CNTN4: variants seen among roughly 807,000 people sequenced by gnomAD.
The protein encoded by CNTN4 is contactin 4, also known as contactin-4.
A neutral mutation model predicts 122.5 loss-of-function variants in CNTN4; 77 were observed. That is an observed-to-expected ratio of 0.63 (90% CI 0.52 to 0.76). CNTN4 has a LOEUF of 0.76. Ranked by LOEUF, CNTN4 falls within the 30% of genes least tolerant of loss-of-function variation. The pLI is 0.00. For synonymous variants in CNTN4, 512 were observed against 447.0 expected, an observed-to-expected ratio of 1.15 and a Z score of -1.83; for missense variants, 1,256 against 1,259.1, an observed-to-expected ratio of 1.00 and a Z score of 0.04.
At chr3:2,116,133 T>C (rs903487828) in intron 2 of CNTN4, among the ~76,000 whole-genome samples, 1 of 152,130 alleles carries the variant, frequency 6.6e-6, no homozygotes, top group Non-Finnish European at 1.5e-5. Context: ...ACCACTAAAG[T>C]CTTATTCAGC....
chr3:2,657,468 A>C (rs750502445), intron 4 of CNTN4, among the ~76,000 whole-genome samples: 2 of 152,192 alleles, frequency 1.3e-5, no homozygotes, highest in South Asian at 4.1e-4. Context: ...GTCAGGGTAC[A>C]TTGAATTTAA....
chr3:2,209,320 T>G (rs1485198772), intron 2 of CNTN4, among the ~76,000 whole-genome samples: 1 of 152,172 alleles, frequency 6.6e-6, no homozygotes, highest in African/African-American at 2.4e-5. Flanking sequence ...ACATTCCCTT[T>G]GGGAAAACCC....
chr3:2,550,011 T>C (rs1018607516), intron 3 of CNTN4, among the ~76,000 whole-genome samples: 2 of 152,304 alleles, frequency 1.3e-5, no homozygotes, highest in Non-Finnish European at 1.5e-5. Flanking sequence ...TATTCTCTAA[T>C]GGTAGTTTAT....
intron 2 of CNTN4, among the ~76,000 whole-genome samples, chr3:2,199,547 T>A (rs1489234527): frequency 6.6e-6 from 1 of 152,224 alleles, no homozygotes; most frequent in Non-Finnish European, 1.5e-5. Flanking sequence ...AGTCATTGAA[T>A]AATGATTCGT....
intron 7 of CNTN4, among the ~76,000 whole-genome samples, chr3:2,864,967 A>G (rs1487519911): frequency 1.3e-5 from 2 of 151,946 alleles, no homozygotes; most frequent in Non-Finnish European, 2.9e-5. Flanking sequence ...CTTGAAACTC[A>G]CCTGTTGAGT....
chr3:3,015,012 A>T (rs1697615962), intron 14 of CNTN4, among the ~76,000 whole-genome samples: 1 of 151,646 alleles, frequency 6.6e-6, no homozygotes, highest in African/African-American at 2.4e-5. Flanking sequence ...TCCTTACAAG[A>T]GTGAGTTTTC....
intron 4 of CNTN4, among the ~76,000 whole-genome samples, chr3:2,678,761 C>T (rs946461567): frequency 2.5e-4 from 38 of 152,166 alleles, no homozygotes; most frequent in African/African-American, 9.2e-4. Flanking sequence ...AAGGAAACTT[C>T]ATCAAATGCC....
chr3:2,640,319 T>G (rs1386258309), intron 4 of CNTN4, among the ~76,000 whole-genome samples: 6 of 152,190 alleles, frequency 3.9e-5, no homozygotes, highest in Non-Finnish European at 1.5e-5. Context: ...CTGTAGCACT[T>G]TTTATATTTT....
intron 8 of CNTN4, among the ~76,000 whole-genome samples, chr3:2,880,329 T>C (rs1274349610): frequency 2.0e-5 from 3 of 152,232 alleles, no homozygotes; most frequent in African/African-American, 7.2e-5. Flanking sequence ...CTGTCTTGAT[T>C]TCCTGGGAAG....
At chr3:2,264,274 ATG>A (rs2040954244) in intron 2 of CNTN4, among the ~76,000 whole-genome samples, 1 of 152,020 alleles carries the variant, frequency 6.6e-6, no homozygotes. Context: ...TCTTGCCAGC[ATG>A]TGTTATTTTT....
chr3:2,713,640 TAGAA>T lies in CNTN4; in HGVS notation c.56-22571_56-22568del, dbSNP rs370607907. Among the ~76,000 whole-genome samples, 262 of 152,252 alleles carry T rather than the reference TAGAA, an allele frequency of 1.7e-3. 3 individuals carry two copies. Among genetic ancestry groups the T allele is most frequent in the African/African-American group, 6.0e-3 (248 of 41,538 alleles). ...TCAGGGGAGAACCACAGGAGGAGATTAGAAAGACCTTCCTGCTTCTGCTGTTTGC... is the reference window on the plus strand; with the variant it reads ...TCAGGGGAGAACCACAGGAGGAGATTAGACCTTCCTGCTTCTGCTGTTTGC... On this transcript the variant is annotated intron_variant, in intron 4 of 24. Coordinates refer to ENST00000418658, the MANE Select transcript of CNTN4 (RefSeq NM_175607.3).
chr3:2,997,577 G>A (rs749127588), intron 14 of CNTN4, among the ~76,000 whole-genome samples: 3 of 152,156 alleles, frequency 2.0e-5, no homozygotes, highest in African/African-American at 4.8e-5. Context: ...TTTGGCTGTC[G>A]CAGGCAATCA....
intron 17 of CNTN4, among the ~76,000 whole-genome samples, chr3:3,036,479 T>C (rs1699615020): frequency 6.6e-6 from 1 of 152,102 alleles, no homozygotes; most frequent in African/African-American, 2.4e-5. Context: ...AGAATGAATA[T>C]AGGCCAGGCG....
At chr3:2,163,356 G>C (rs1371600462) in intron 2 of CNTN4, among the ~76,000 whole-genome samples, 3 of 150,516 alleles carry the variant, frequency 2.0e-5, no homozygotes, top group Non-Finnish European at 4.4e-5. Flanking sequence ...ATCAACTCAA[G>C]ATTCATCAAA....
chr3:2,961,231 C>CACAAAAAAAAAAAAAAAA (rs1208900538), intron 13 of CNTN4, among the ~76,000 whole-genome samples: 1 of 37,262 alleles, frequency 2.7e-5, no homozygotes, highest in Non-Finnish European at 5.0e-5. Flanking sequence ...CTCCATCTCA[C>CACAAAAAAAAAAAAAAAA]AAAAAAAAAA....
At chr3:2,949,418 A>G (rs534029328) in intron 13 of CNTN4, among the ~76,000 whole-genome samples, 116 of 152,298 alleles carry the variant, frequency 7.6e-4, no homozygotes, top group Non-Finnish European at 1.2e-3. Context: ...GTCTGAAAGA[A>G]GCACCCTAGC....
intron 6 of CNTN4, among the ~76,000 whole-genome samples, chr3:2,784,321 C>G (rs1372765024): frequency 6.6e-6 from 1 of 152,154 alleles, no homozygotes; most frequent in Non-Finnish European, 1.5e-5. Context: ...AATCATTATG[C>G]TAGGCAAACA....
intron 5 of CNTN4, among the ~76,000 whole-genome samples, chr3:2,743,311 T>C (rs2089569991): frequency 6.6e-6 from 1 of 152,180 alleles, no homozygotes; most frequent in Non-Finnish European, 1.5e-5. Flanking sequence ...TAGAGATTCA[T>C]GTGCACATAG....
intron 4 of CNTN4, among the ~76,000 whole-genome samples, chr3:2,585,727 C>T (rs577576990): frequency 1.1e-4 from 17 of 151,398 alleles, no homozygotes; most frequent in South Asian, 4.2e-4. Context: ...TTAGGAGATA[C>T]ACCTAATGTT....
Sources: allele counts gnomAD v4.1 joint callset (sites outside exome capture counted in the v4.1 genomes callset), GRCh38; gene constraint gnomAD v4.1.1; transcripts MANE v1.5; gene names NCBI Gene and HGNC (gene_info 2026-07-23, HGNC 2026-07-21).